Variants in BABAM2 observed in about 807,000 individuals in gnomAD.
The protein encoded by BABAM2 is BRISC and BRCA1 A complex member 2.
A neutral mutation model predicts 54.7 loss-of-function variants in BABAM2; 31 were observed. That is an observed-to-expected ratio of 0.57 (90% CI 0.43 to 0.77). BABAM2 has a LOEUF of 0.77. Among genes scored for constraint, BABAM2 ranks in the 30% least tolerant of loss-of-function variants. The pLI is 0.00. For missense variants in BABAM2, 364 were observed against 455.8 expected (o/e 0.80, Z 1.83); for synonymous variants, 167 against 162.9 (o/e 1.03, Z -0.19).
chr2:28,053,433 G>A lies in BABAM2; in HGVS notation c.570+7634G>A, dbSNP rs147985215. On this transcript the variant is annotated intron_variant, in intron 6 of 11. Coordinates refer to ENST00000379624, the MANE Select transcript of BABAM2 (RefSeq NM_199191.3). ...GAAATAATTTCTGTCTAATCAAATA[G>A]GAGTGGGCATACTTTTCTAAAAGTA... 2.8e-3 allele frequency among the ~76,000 whole-genome samples: 427 copies of A among 152,272 alleles called. 2 individuals carry two copies. Among genetic ancestry groups the A allele is most frequent in the African/African-American group, 1.0e-2 (414 of 41,558 alleles).
chr2:27,916,816 C>A (rs370111571), intron 2 of BABAM2, among the ~76,000 whole-genome samples: 1 of 152,164 alleles, frequency 6.6e-6, no homozygotes, highest in East Asian at 1.9e-4. Flanking sequence ...CTCTTCGCTC[C>A]TATTGTGTTT....
intron 10 of BABAM2, among the ~76,000 whole-genome samples, chr2:28,275,908 A>G (rs778009708): frequency 6.6e-6 from 1 of 151,984 alleles, no homozygotes; most frequent in Non-Finnish European, 1.5e-5. Context: ...CAGCCCCATC[A>G]CAACCCCTGC....
chr2:28,259,071 GGCCTTTTTTTTTT>G (rs1684254920), intron 10 of BABAM2, among the ~76,000 whole-genome samples: 1 of 75,400 alleles, frequency 1.3e-5, no homozygotes, highest in Admixed American at 1.9e-4. Flanking sequence ...CACTGCACCT[GGCCTTTTTTTTTT>G]TTTTTTTTTT....
intron 7 of BABAM2, among the ~76,000 whole-genome samples, chr2:28,219,374 C>T (rs141140483): frequency 8.1e-4 from 124 of 152,358 alleles, no homozygotes; most frequent in African/African-American, 2.8e-3. Context: ...CTTCTGTCAT[C>T]ATATTTCTCT....
intron 7 of BABAM2, among the ~76,000 whole-genome samples, chr2:28,202,283 A>G (rs1355202001): frequency 1.3e-5 from 2 of 152,118 alleles, no homozygotes; most frequent in Non-Finnish European, 2.9e-5. Context: ...GCCTTGCTCT[A>G]TTAGTAGTCC....
At chr2:28,122,582 T>C (rs929623599) in intron 6 of BABAM2, among the ~76,000 whole-genome samples, 4 of 152,240 alleles carry the variant, frequency 2.6e-5, no homozygotes, top group Non-Finnish European at 5.9e-5. Context: ...ACGTGACCTG[T>C]GATTTGCAGT....
chr2:27,974,346 T>G (rs1435538053), intron 3 of BABAM2, among the ~76,000 whole-genome samples: 2 of 152,056 alleles, frequency 1.3e-5, no homozygotes. Context: ...ATAAAATACA[T>G]ACATATATAT....
intron 7 of BABAM2, among the ~76,000 whole-genome samples, chr2:28,209,798 G>A (rs1679256455): frequency 6.6e-6 from 1 of 152,078 alleles, no homozygotes; most frequent in African/African-American, 2.4e-5. Flanking sequence ...TCAATCCTAG[G>A]GATTGAGATA....
At chr2:28,051,649 G>C (rs1678005149) in intron 6 of BABAM2, among the ~76,000 whole-genome samples, 1 of 151,814 alleles carries the variant, frequency 6.6e-6, no homozygotes, top group South Asian at 2.1e-4. Flanking sequence ...AAAGGTCAAG[G>C]TGTGTTTTTT....
intron 6 of BABAM2, among the ~76,000 whole-genome samples, chr2:28,087,533 C>T (rs1192548355): frequency 2.0e-5 from 3 of 152,118 alleles, no homozygotes; most frequent in African/African-American, 7.2e-5. Context: ...GGCCCTCTGT[C>T]GTACGAGGGG....
At chr2:27,909,835 G>T (rs1416554126) in intron 2 of BABAM2, among the ~76,000 whole-genome samples, 1 of 152,198 alleles carries the variant, frequency 6.6e-6, no homozygotes, top group East Asian at 1.9e-4. Context: ...TGGTAGTAGT[G>T]TATAGGACAT....
chr2:27,931,829 G>C (rs543394157), intron 3 of BABAM2, among the ~76,000 whole-genome samples: 1 of 152,204 alleles, frequency 6.6e-6, no homozygotes, highest in Admixed American at 6.5e-5. Context: ...TTTATGAGAT[G>C]AATATATTAG....
At chr2:28,139,396 C>T (rs1670852736) in intron 7 of BABAM2, among the ~76,000 whole-genome samples, 1 of 150,156 alleles carries the variant, frequency 6.7e-6, no homozygotes, top group African/African-American at 2.5e-5. Flanking sequence ...TGGTGAAACC[C>T]TGCCTCTACT....
chr2:28,242,379 T>C (rs1381026491), intron 9 of BABAM2, among the ~76,000 whole-genome samples: 1 of 152,232 alleles, frequency 6.6e-6, no homozygotes, highest in Non-Finnish European at 1.5e-5. Context: ...TGGCTGCCTG[T>C]GGCTGTGCTG....
intron 4 of BABAM2, among the ~76,000 whole-genome samples, chr2:28,004,723 CTG>C (rs1673833209): frequency 6.7e-6 from 1 of 149,478 alleles, no homozygotes; most frequent in East Asian, 2.0e-4. Context: ...TATGGGGTCT[CTG>C]TTGCCTAGGC....
At chr2:28,270,891 C>T (rs555687692) in intron 10 of BABAM2, among the ~76,000 whole-genome samples, 4 of 152,328 alleles carry the variant, frequency 2.6e-5, no homozygotes, top group South Asian at 4.1e-4. Flanking sequence ...TTCTGCCTTG[C>T]TTTATCTTAC....
At chr2:28,108,642 C>A (rs570890913) in intron 6 of BABAM2, among the ~76,000 whole-genome samples, 93 of 152,280 alleles carry the variant, frequency 6.1e-4, no homozygotes, top group African/African-American at 2.2e-3. Flanking sequence ...TATAGTTTTT[C>A]ATTTAGGGAG....
At chr2:28,207,969 A>G (rs907436480) in intron 7 of BABAM2, among the ~76,000 whole-genome samples, 4 of 152,236 alleles carry the variant, frequency 2.6e-5, no homozygotes, top group Non-Finnish European at 5.9e-5. Flanking sequence ...ACATACAAAG[A>G]GAGAATACAT....
Position 28,118,823 on chromosome 2 carries a change from G to C in BABAM2, c.571-10448G>C, listed in dbSNP as rs1305867803. Among the ~76,000 whole-genome samples the C allele has an allele frequency of 2.6e-5, 4 of 152,102 alleles. No individual in the cohort carries two copies. The South Asian group carries it at 8.3e-4, about 31-fold the overall frequency. ...TTGCCCATATGTCCTGAATGGTATT[G>C]TCTAGGTTTTCTTCTAGGGTTTTTA... On this transcript the variant is annotated intron_variant, in intron 6 of 11. Transcript: ENST00000379624.
Sources: gnomAD v4.1 joint callset for allele counts (sites outside exome capture counted in the v4.1 genomes callset) on GRCh38, gnomAD v4.1.1 for gene constraint, MANE v1.5 for transcripts, NCBI Gene and HGNC (gene_info 2026-07-23, HGNC 2026-07-21) for gene names.